Variants in DNAAF4 observed in about 807,000 individuals in gnomAD.
The protein encoded by DNAAF4 is dynein assembly factor 4, axonemal.
In DNAAF4, 43 loss-of-function variants were observed where a neutral mutation model predicts 51.8. The observed-to-expected ratio is 0.83, with a 90% CI of 0.65 to 1.07. DNAAF4 has a LOEUF of 1.07. Among genes scored for constraint, DNAAF4 ranks in the 50% least tolerant of loss-of-function variants. The pLI is 0.00. For synonymous variants in DNAAF4, 194 were observed against 165.6 expected, an observed-to-expected ratio of 1.17 and a Z score of -1.32; for missense variants, 581 against 493.0, an observed-to-expected ratio of 1.18 and a Z score of -1.69.
intron 3 of DNAAF4, among the ~76,000 whole-genome samples, chr15:55,494,784 G>A (rs1025861674): frequency 2.6e-5 from 4 of 152,026 alleles, no homozygotes; most frequent in Admixed American, 6.6e-5. Context: ...GGCCAAATCC[G>A]ACCTGCCACC....
At chr15:55,478,621 T>G (rs1463408184) in intron 4 of DNAAF4, among the ~76,000 whole-genome samples, 1 of 152,166 alleles carries the variant, frequency 6.6e-6, no homozygotes, top group Non-Finnish European at 1.5e-5. Context: ...TCTTGGGCCC[T>G]TGAGAAAATA....
chr15:55,418,963 C>T (rs1327033698), intron 7 of DNAAF4, among the ~76,000 whole-genome samples: 3 of 146,684 alleles, frequency 2.0e-5, no homozygotes, highest in Admixed American at 1.4e-4. Context: ...CTCGCTCTGT[C>T]GCCCAGGTTA....
chr15:55,501,398 C>T (rs1240388833), intron 1 of DNAAF4, among the ~76,000 whole-genome samples: 7 of 104,736 alleles, frequency 6.7e-5, no homozygotes, highest in African/African-American at 2.2e-4. Flanking sequence ...TTTTTTGAGG[C>T]GGAGTCTCGC....
At chr15:55,449,619 G>C (rs1211703930) in intron 6 of DNAAF4, among the ~76,000 whole-genome samples, 1 of 149,606 alleles carries the variant, frequency 6.7e-6, no homozygotes, top group Non-Finnish European at 1.5e-5. Context: ...AACTGAGATT[G>C]TGCCCACTGC....
At chr15:55,454,757 A>G (rs1208389365) in intron 5 of DNAAF4, among the ~76,000 whole-genome samples, 1 of 152,176 alleles carries the variant, frequency 6.6e-6, no homozygotes, top group Non-Finnish European at 1.5e-5. Context: ...TCTGAGTGAC[A>G]GTATGCTCCA....
chr15:55,466,960 T>A lies in DNAAF4; in HGVS notation c.607A>T (p.Asn203Tyr). The change falls in exon 5 of 10, where the codon AAT becomes TAT. Residue 203 changes from asparagine (N) to tyrosine (Y), a missense_variant. Asn to Tyr is a moderately radical substitution (Grantham distance 143). Transcript: ENST00000321149. ...GGAGCAAGATTTCTAGATGCCAAATTTCTAGTAAGACTCTTATATTTTATT... is the reference window on the plus strand; with the variant it reads ...GGAGCAAGATTTCTAGATGCCAAATATCTAGTAAGACTCTTATATTTTATT... ...KKIKYKSLTR[N>Y]LASRNLAPKG... is the part of the protein sequence containing the mutation. 1 of 1,583,514 alleles carries A rather than the reference T, an allele frequency of 6.3e-7. No individual in the cohort carries two copies. The highest frequency in any genetic ancestry group is 8.5e-7 in the Non-Finnish European group (1 of 1,172,344).
At chr15:55,451,914 C>T (rs1008747894) in intron 5 of DNAAF4, among the ~76,000 whole-genome samples, 50 of 152,146 alleles carry the variant, frequency 3.3e-4, no homozygotes, top group African/African-American at 1.2e-3. Flanking sequence ...AGCCACCACA[C>T]CCAGCCTGTA....
chr15:55,465,939 A>AG (rs995637880), intron 5 of DNAAF4, among the ~76,000 whole-genome samples: 10 of 151,834 alleles, frequency 6.6e-5, no homozygotes, highest in African/African-American at 2.2e-4. Context: ...CCTGGGGACT[A>AG]GGGGGGAAGG....
downstream of DNAAF4, among the ~76,000 whole-genome samples, chr15:55,427,488 G>GA (rs1303311223): frequency 6.6e-6 from 1 of 152,106 alleles, no homozygotes; most frequent in Non-Finnish European, 1.5e-5. Flanking sequence ...TTAGTTCCTG[G>GA]TTGGGGGGGC....
chr15:55,442,995 G>C, intron 6 of DNAAF4: 1 of 1,611,388 alleles, frequency 6.2e-7, no homozygotes, highest in Non-Finnish European at 8.5e-7. Context: ...CGTATTCAAA[G>C]CCCAGGCCAT....
intron 4 of DNAAF4, among the ~76,000 whole-genome samples, chr15:55,488,097 G>T (rs1432046721): frequency 6.7e-6 from 1 of 150,292 alleles, no homozygotes; most frequent in Non-Finnish European, 1.5e-5. Flanking sequence ...CTCTCAGGAT[G>T]AAATACCAAT....
intron 5 of DNAAF4, among the ~76,000 whole-genome samples, chr15:55,457,888 C>A (rs975922008): frequency 4.6e-5 from 7 of 152,158 alleles, no homozygotes; most frequent in Non-Finnish European, 1.0e-4. Context: ...GCAGACATTC[C>A]CCAGCACCAG....
rs2058661278 is a variant in DNAAF4 at position 55,497,850 on chromosome 15, G to A, written c.133C>T (p.Pro45Ser). The A allele has an allele frequency of 6.2e-7, 1 of 1,610,824 alleles. No individual in the cohort carries two copies. The stretch of plus-strand genomic sequence containing the variant: ...AGAAATGCCTCAAATAAAAATGGAG[G>A]AAAGTTGACCTATGCAGAAGGGTGA... ...CTENYLKVNF[P>S]PFLFEAFLYA... Residue 45 changes from proline (P) to serine (S), a missense_variant, in exon 3 of 10, where the codon CCT (proline) becomes TCT (serine). Transcript: ENST00000321149.
chr15:55,421,105 G>A (rs1434203448), intron 7 of DNAAF4, among the ~76,000 whole-genome samples: 4 of 148,142 alleles, frequency 2.7e-5, no homozygotes, highest in Non-Finnish European at 4.5e-5. Context: ...CAGGAGAATC[G>A]CTTGAACCCA....
chr15:55,500,999 A>G (rs1194173983), intron 1 of DNAAF4, among the ~76,000 whole-genome samples: 1 of 143,210 alleles, frequency 7.0e-6, no homozygotes, highest in East Asian at 1.9e-4. Context: ...TCTCAAAAAA[A>G]AAAAAAAAAA....
intron 1 of DNAAF4, among the ~76,000 whole-genome samples, chr15:55,506,510 T>G (rs904051238): frequency 2.6e-5 from 4 of 152,192 alleles, no homozygotes; most frequent in African/African-American, 9.7e-5. Flanking sequence ...GTAACACTCC[T>G]GAGTTCTAAT....
chr15:55,454,925 G>A (rs1298052462), intron 5 of DNAAF4, among the ~76,000 whole-genome samples: 2 of 151,288 alleles, frequency 1.3e-5, no homozygotes, highest in African/African-American at 2.4e-5. Flanking sequence ...TGGGTGACAG[G>A]GTGAGATCCT....
Position 55,430,703 on chromosome 15 carries a change from C to A in DNAAF4, c.1230G>T (p.Arg410=), listed in dbSNP as rs752630048. ...TTAGTTCTGTTCCTTGAATTACATT[C>A]CGAATCTTCTCAGCATCAATTTGTA... ...KIVQIDAEKI[R]NVIQGTELKS is the part of the protein sequence containing the mutation. Residue 410 remains arginine, a synonymous_variant, in exon 10 of 10, where the codon CGG becomes CGT. Transcript: ENST00000321149. The A allele has an allele frequency of 1.5e-5, 25 of 1,613,046 alleles. No homozygotes were observed. The highest frequency in any genetic ancestry group is 2.1e-5 in the Non-Finnish European group (25 of 1,179,540).
rs1194536401 is a variant in DNAAF4, at chr15:55,453,752, G to A, written c.638-3385C>T. 2.6e-5 allele frequency among the ~76,000 whole-genome samples: 4 copies of A among 151,240 alleles called. No homozygotes were observed. In the South Asian group the frequency reaches 8.4e-4, roughly 32 times the overall value. On this transcript the variant is annotated intron_variant, in intron 5 of 9. Coordinates refer to ENST00000321149, the MANE Select transcript of DNAAF4 (RefSeq NM_130810.4). ...CTTTTAGTAGAGACGGGGTTTCACC[G>A]GGTTAGCCAGGATGGTCTCCATCTC...
Sources: gnomAD v4.1 joint callset for allele counts (sites outside exome capture counted in the v4.1 genomes callset) on GRCh38, gnomAD v4.1.1 for gene constraint, MANE v1.5 for transcripts, NCBI Gene and HGNC (gene_info 2026-07-23, HGNC 2026-07-21) for gene names.